Variants in MCM2 observed in about 807,000 individuals in gnomAD.
MCM2 encodes the protein minichromosome maintenance complex component 2.
A neutral mutation model predicts 86.4 loss-of-function variants in MCM2; 49 were observed. That is an observed-to-expected ratio of 0.57 (90% CI 0.45 to 0.72). MCM2 has a LOEUF of 0.72. MCM2 is among the 30% of genes least tolerant of loss of function. The pLI is 0.00. For missense variants in MCM2, 1,038 were observed against 1,259.9 expected (o/e 0.82, Z 2.67); for synonymous variants, 475 against 484.6 (o/e 0.98, Z 0.26).
Position 127,617,869 on chromosome 3 carries a change from C to G in MCM2, c.1901-100C>G, listed in dbSNP as rs953767451. On this transcript the variant is annotated intron_variant, in intron 11 of 15. Coordinates refer to ENST00000265056, the MANE Select transcript of MCM2 (RefSeq NM_004526.4). This position sits in a 1 kb window ranked among gnomAD's most constrained non-coding sequence, Gnocchi z 4.1. ...AAGTACCCACCTATGTCTTCCTCTT[C>G]CACTGCCCTCATCCCCTTCTGCCAT... 43 of 849,398 alleles carry G rather than the reference C, an allele frequency of 5.1e-5. No individual in the cohort carries two copies. Among genetic ancestry groups the G allele is most frequent in the Non-Finnish European group, 8.3e-5 (43 of 520,144 alleles). The allele number at this position is 849,398 out of a possible 1,614,324, so 52.6% of individuals were successfully genotyped here. A position where few individuals can be genotyped will look rare whatever the true frequency, so the allele number is the denominator to read the frequency against.
rs759341862 is a variant in MCM2, at chr3:127,605,136, G to A, written c.653G>A (p.Arg218His). ...CACGGCCACAACGTCTTCAAGGAGC[G>A]CATCAGCGACATGTGCAAAGGTGTG... ...DSHGHNVFKE[R>H]ISDMCKENRE... Residue 218 changes from arginine (R) to histidine (H), a missense_variant, in exon 4 of 16, where the codon CGC (arginine) becomes CAC (histidine). Arg to His is a conservative substitution (Grantham distance 29). Coordinates refer to ENST00000265056, the MANE Select transcript of MCM2 (RefSeq NM_004526.4). 7.4e-6 allele frequency: 12 copies of A among 1,613,926 alleles called. No individual in the cohort carries two copies. Among genetic ancestry groups the A allele is most frequent in the South Asian group, 3.3e-5 (3 of 91,088 alleles).
At position 127,608,463 on chromosome 3, in the gene MCM2, G is replaced by T. The variant is rs2074366986; in HGVS notation, c.1183G>T (p.Asp395Tyr). The change falls in exon 7 of 16, where the codon GAC becomes TAC. Residue 395 changes from aspartate to tyrosine, a missense_variant. This residue lies in a region of MCM2 where 399 missense variants were observed against 507.2 expected (regional missense o/e 0.79). Coordinates refer to ENST00000265056, the MANE Select transcript of MCM2 (RefSeq NM_004526.4). The stretch of plus-strand genomic sequence containing the variant: ...GGCTGGCCGGCTGCCCCGCTCCAAG[G>T]ACGCCATTCTCCTCGCAGATCTGGT... The part of the protein sequence containing the change: ...VAAGRLPRSK[D>Y]AILLADLVDS... The T allele has an allele frequency of 6.2e-7, 1 of 1,614,092 alleles. No homozygotes were observed. The highest frequency in any genetic ancestry group is 1.7e-5 in the Admixed American group (1 of 60,004).
In MCM2 at chr3:127,605,116, C is replaced by T. The variant is rs2074336620; in HGVS notation, c.633C>T (p.Gly211=). 6.2e-7 allele frequency: 1 copy of T among 1,614,168 alleles called. No homozygotes were observed. The change falls in exon 4 of 16, where the codon GGC becomes GGT. Residue 211 remains glycine (G), a synonymous_variant. Coordinates refer to ENST00000265056, the MANE Select transcript of MCM2 (RefSeq NM_004526.4). ...NFLRTHVDSH[G]HNVFKERISD... ...TGCGCACTCACGTCGACAGCCACGG[C>T]CACAACGTCTTCAAGGAGCGCATCA...
intron 8 of MCM2, among the ~76,000 whole-genome samples, chr3:127,610,045 T>C (rs1209689316): frequency 6.6e-6 from 1 of 151,764 alleles, no homozygotes; most frequent in Non-Finnish European, 1.5e-5. Flanking sequence ...GATTTCACCA[T>C]GTTGGCCAGG....
rs1209778420 is a variant in MCM2 at position 127,618,061 on chromosome 3, G to A, written c.1993G>A (p.Asp665Asn). Residue 665 changes from aspartate (D) to asparagine (N), a missense_variant, in exon 12 of 16, where the codon GAC (aspartate) becomes AAC (asparagine). Physicochemically the swap from Asp to Asn is conservative, Grantham distance 23. Transcript: ENST00000265056. The surrounding 1 kb of genome is among the most constrained non-coding windows in gnomAD (Gnocchi z 4.0). ...CTTTGACATCCTGTGTGTGGTGAGG[G>A]ACACCGTGGACCCAGTCCAGGTATA... Reference protein sequence around the residue: ...SRFDILCVVRDTVDPVQDEML... With the variant: ...SRFDILCVVRNTVDPVQDEML... The A allele has an allele frequency of 6.2e-7, 1 of 1,613,982 alleles. No homozygotes were observed.
chr3:127,614,772 A>G (rs1416841105), intron 8 of MCM2, among the ~76,000 whole-genome samples: 1 of 152,170 alleles, frequency 6.6e-6, no homozygotes, highest in East Asian at 1.9e-4. Flanking sequence ...TCATCCCTAC[A>G]ATGCTCAAGT....
chr3:127,609,151 T>C, intron 8 of MCM2, 128 bp downstream of exon 8: 2 of 975,470 alleles, frequency 2.1e-6, no homozygotes, highest in Non-Finnish European at 3.0e-6. Context: ...CTCAGTAAGC[T>C]TGTCTGGAAG....
intron 2 of MCM2, among the ~76,000 whole-genome samples, chr3:127,603,754 C>T (rs527622932): frequency 3.9e-5 from 6 of 152,272 alleles, no homozygotes; most frequent in African/African-American, 9.6e-5. Context: ...CTCTGCCTCC[C>T]GGGTTCAAGC....
chr3:127,610,347 G>A (rs2074385207), intron 8 of MCM2, among the ~76,000 whole-genome samples: 1 of 152,206 alleles, frequency 6.6e-6, no homozygotes, highest in Non-Finnish European at 1.5e-5. Context: ...GGGCCTGGCT[G>A]CAGGAGGCCC....
Position 127,616,856 on chromosome 3 carries a change from C to T in MCM2, c.1523-12C>T. 6.2e-7 allele frequency: 1 copy of T among 1,607,662 alleles called. No homozygotes were observed. The highest frequency in any genetic ancestry group is 1.1e-5 in the South Asian group (1 of 90,868). ...ACTCTCCCCCTCCCCCGCTTCTACT[C>T]ATCCCCTCCAGGTGGCAAGCACAAG... On this transcript the variant is annotated splice_polypyrimidine_tract_variant and intron_variant, in intron 9 of 15. Transcript: ENST00000265056.
At chr3:127,601,250 T>C (rs1026020119) in intron 2 of MCM2, among the ~76,000 whole-genome samples, 3 of 152,278 alleles carry the variant, frequency 2.0e-5, no homozygotes, top group African/African-American at 7.2e-5. Flanking sequence ...ATCATATTTC[T>C]TTGTATGGAG....
chr3:127,616,754 CTG>C (rs1469185207), intron 9 of MCM2, 112 bp from the exon 10 acceptor site: 4 of 1,200,990 alleles, frequency 3.3e-6, no homozygotes. Flanking sequence ...TCTAGAGGGA[CTG>C]TGCCTTACCA....
chr3:127,614,031 A>G lies in MCM2; in HGVS notation c.1429-1831A>G, dbSNP rs141743914. 4.0e-3 allele frequency among the ~76,000 whole-genome samples: 607 copies of G among 152,286 alleles called. 3 individuals carry two copies. The highest frequency in any genetic ancestry group is 6.1e-3 in the Non-Finnish European group (417 of 68,024). On this transcript the variant is annotated intron_variant, in intron 8 of 15. Transcript: ENST00000265056. The stretch of plus-strand genomic sequence containing the variant: ...ATCCCTCATGGCCTGATCACCCCTT[A>G]AAGGTCCCACCTTTTAATACTGTTA...
At position 127,616,934 on chromosome 3, in the gene MCM2, C is replaced by T. The variant is rs1364253280; in HGVS notation, c.1589C>T (p.Ser530Leu). The T allele has an allele frequency of 8.7e-6, 14 of 1,614,052 alleles. No homozygotes were observed. The highest frequency in any genetic ancestry group is 1.2e-5 in the Non-Finnish European group (14 of 1,180,044). The part of the protein sequence containing the change: ...LLCGDPGTAK[S>L]QFLKYIEKVS... ...TGCGGAGACCCTGGCACAGCGAAGT[C>T]GCAGTTTCTCAAGTATATTGAGAAA... Residue 530 changes from serine (S) to leucine (L), a missense_variant, in exon 10 of 16, where the codon TCG (serine) becomes TTG (leucine). Physicochemically the swap from Ser to Leu is moderately radical, Grantham distance 145. This residue lies in a region of MCM2 where 399 missense variants were observed against 507.2 expected (regional missense o/e 0.79). Transcript: ENST00000265056.
In MCM2 at chr3:127,621,120, G is replaced by A; in HGVS notation, c.2496G>A (p.Leu832=). The A allele has an allele frequency of 6.2e-7, 1 of 1,614,244 alleles. No individual in the cohort carries two copies. The change falls in exon 15 of 16, where the codon TTG becomes TTA. Residue 832 remains leucine (L), a synonymous_variant. Coordinates refer to ENST00000265056, the MANE Select transcript of MCM2 (RefSeq NM_004526.4). ...TCCGGCGTGACAACAATGAGCTGTT[G>A]CTCTTCATACTGAAGCAGTTAGTGG... is the stretch of plus-strand genomic sequence containing the variant. ...LSFRRDNNEL[L]LFILKQLVAE... is the part of the protein sequence containing the mutation.
In MCM2 at chr3:127,618,120, T is replaced by A. The variant is rs762096805; in HGVS notation, c.2013+39T>A. 9 of 1,554,022 alleles carry A rather than the reference T, an allele frequency of 5.8e-6. No homozygotes were observed. In the South Asian group the frequency reaches 1.0e-4, roughly 17 times the overall value. ...GTGCCCGGTTTCCATGAACTGTGGT[T>A]TGGGGACCTCAGGTGAGGCTTGGGG... On this transcript the variant is annotated intron_variant, in intron 12 of 15. Coordinates refer to ENST00000265056, the MANE Select transcript of MCM2 (RefSeq NM_004526.4). This position sits in a 1 kb window ranked among gnomAD's most constrained non-coding sequence, Gnocchi z 4.0.
In MCM2 at chr3:127,618,113, C is replaced by A; in HGVS notation, c.2013+32C>A. The stretch of plus-strand genomic sequence containing the variant: ...CTCACATGTGCCCGGTTTCCATGAA[C>A]TGTGGTTTGGGGACCTCAGGTGAGG... On this transcript the variant is annotated intron_variant, in intron 12 of 15. Coordinates refer to ENST00000265056, the MANE Select transcript of MCM2 (RefSeq NM_004526.4). This position sits in a 1 kb window ranked among gnomAD's most constrained non-coding sequence, Gnocchi z 4.0. 1 of 1,586,720 alleles carries A rather than the reference C, an allele frequency of 6.3e-7. No homozygotes were observed.
chr3:127,616,000 T>G, intron 9 of MCM2, 45 bp downstream of exon 9: 19 of 1,440,852 alleles, frequency 1.3e-5, no homozygotes, highest in Middle Eastern at 1.8e-4. Flanking sequence ...CAGCTTTCTC[T>G]TTGGGGAGCC....
chr3:127,621,870 C>T lies in MCM2; in HGVS notation c.*97C>T. ...ACACAAAACCAGAGCACTTGATGAACTCGGGGTACTAGGGTCAGGGCTTAT... is the reference window on the plus strand; with the variant it reads ...ACACAAAACCAGAGCACTTGATGAATTCGGGGTACTAGGGTCAGGGCTTAT... On this transcript the variant is annotated 3_prime_UTR_variant, in exon 16 of 16. Transcript: ENST00000265056. The T allele has an allele frequency of 1.2e-6, 1 of 826,766 alleles. No homozygotes were observed. Among genetic ancestry groups the T allele is most frequent in the Admixed American group, 2.2e-5 (1 of 45,558 alleles). 51.2% of individuals were successfully genotyped at this position (826,766 alleles called of 1,614,324 possible).
Sources: allele counts gnomAD v4.1 joint callset (sites outside exome capture counted in the v4.1 genomes callset), GRCh38; gene constraint gnomAD v4.1.1; regional missense constraint gnomAD v4.1.1; non-coding constraint Gnocchi (gnomAD v3.1); transcripts MANE v1.5; gene names NCBI Gene and HGNC (gene_info 2026-07-23, HGNC 2026-07-21).